NBEAL1: variants seen among roughly 807,000 people sequenced by gnomAD.
NBEAL1 encodes neurobeachin like 1.
A neutral mutation model predicts 351.3 loss-of-function variants in NBEAL1; 273 were observed. The ratio of observed to expected loss-of-function variants is 0.78; its 90% CI spans 0.70 to 0.86. The LOEUF is 0.86. Among genes scored for constraint, NBEAL1 ranks in the 40% least tolerant of loss-of-function variants. NBEAL1 has a pLI of 0.00. For synonymous variants in NBEAL1, 1,050 were observed against 1,086.4 expected (o/e 0.97, Z 0.66); for missense variants, 2,961 against 3,201.3 (o/e 0.92, Z 1.81).
At chr2:203,164,160 A>G (rs2064056826) in intron 36 of NBEAL1, among the ~76,000 whole-genome samples, 1 of 151,578 alleles carries the variant, frequency 6.6e-6, no homozygotes, top group South Asian at 2.1e-4. Context: ...CTTTTTTGGC[A>G]TGTCAAATAA....
At chr2:203,175,016 G>C in intron 41 of NBEAL1, 131 bp from the exon 42 acceptor site, 3 of 758,634 alleles carry the variant, frequency 4.0e-6, no homozygotes, top group Non-Finnish European at 6.3e-6. Flanking sequence ...TGAATACAGA[G>C]TTTGATAATG....
At chr2:203,203,917 G>T (rs10932011) in intron 51 of NBEAL1, among the ~76,000 whole-genome samples, 133,098 of 151,020 alleles carry the variant, frequency 0.88, 59,790 homozygotes, top group Non-Finnish European at 0.96. Context: ...TGTTTTTTGT[G>T]TTTTTTTTGT....
At chr2:203,050,088 TGCTA>T in intron 4 of NBEAL1, 113 bp downstream of exon 4, 2 of 978,678 alleles carry the variant, frequency 2.0e-6, no homozygotes, top group Non-Finnish European at 3.0e-6. Flanking sequence ...GTGGGTAGGG[TGCTA>T]GGAGAGGGAT....
At chr2:203,066,419 C>G (rs1035334765) in intron 6 of NBEAL1, among the ~76,000 whole-genome samples, 1 of 151,666 alleles carries the variant, frequency 6.6e-6, no homozygotes, top group Non-Finnish European at 1.5e-5. Flanking sequence ...AACAGCATCC[C>G]AAGGCACAAG....
chr2:203,027,013 A>G (rs2060870498), intron 2 of NBEAL1, among the ~76,000 whole-genome samples: 1 of 152,114 alleles, frequency 6.6e-6, no homozygotes, highest in African/African-American at 2.4e-5. Flanking sequence ...TCTTCTTATT[A>G]TTTTTAACTC....
intron 19 of NBEAL1, 102 bp from the exon 20 acceptor site, chr2:203,125,250 C>T (rs2062912490): frequency 2.3e-6 from 2 of 878,828 alleles, no homozygotes; most frequent in East Asian, 3.1e-5. Flanking sequence ...GTACATTGCT[C>T]AAAGGTTTAT....
chr2:203,137,953 C>T (rs894413164), intron 29 of NBEAL1, among the ~76,000 whole-genome samples: 2 of 151,550 alleles, frequency 1.3e-5, no homozygotes, highest in Non-Finnish European at 2.9e-5. Flanking sequence ...CATTGCACTC[C>T]GGCCTGGGCG....
chr2:203,139,646 C>T (rs1197476890), intron 31 of NBEAL1, among the ~76,000 whole-genome samples: 2 of 132,030 alleles, frequency 1.5e-5, no homozygotes, highest in Admixed American at 8.9e-5. Context: ...CTCACTGTAA[C>T]CTCCACCTCC....
intron 50 of NBEAL1, 66 bp from the exon 51 acceptor site, chr2:203,202,621 A>G (rs888279065): frequency 1.1e-6 from 1 of 888,892 alleles, no homozygotes; most frequent in African/African-American, 1.6e-5. Context: ...ATTAACAAAA[A>G]TTGCTCTTAA....
At chr2:203,026,885 A>G (rs971872788) in intron 2 of NBEAL1, among the ~76,000 whole-genome samples, 2 of 152,194 alleles carry the variant, frequency 1.3e-5, no homozygotes, top group African/African-American at 4.8e-5. Context: ...TGTTCCACTT[A>G]ATTTTCAATA....
intron 41 of NBEAL1, among the ~76,000 whole-genome samples, chr2:203,173,800 G>T (rs1279395005): frequency 6.6e-6 from 1 of 151,892 alleles, no homozygotes; most frequent in Non-Finnish European, 1.5e-5. Flanking sequence ...GTACATTTTT[G>T]CATAGATACA....
intron 6 of NBEAL1, among the ~76,000 whole-genome samples, chr2:203,059,353 G>T (rs185717351): frequency 2.1e-4 from 32 of 152,296 alleles, no homozygotes; most frequent in Non-Finnish European, 1.5e-5. Flanking sequence ...AATAACAAAA[G>T]ATTTATTACT....
intron 31 of NBEAL1, among the ~76,000 whole-genome samples, chr2:203,143,326 C>G (rs1055773089): frequency 6.6e-6 from 1 of 152,094 alleles, no homozygotes; most frequent in South Asian, 2.1e-4. Context: ...GTATATTACT[C>G]GGGAATTTTA....
chr2:203,112,936 C>A, intron 16 of NBEAL1, 79 bp from the exon 17 acceptor site: 1 of 1,227,118 alleles, frequency 8.1e-7, no homozygotes, highest in Non-Finnish European at 1.1e-6. Flanking sequence ...ATTTTATGTA[C>A]TATTTTATTG....
At chr2:203,083,804 G>T (rs567351387) in intron 9 of NBEAL1, among the ~76,000 whole-genome samples, 103 of 152,254 alleles carry the variant, frequency 6.8e-4, no homozygotes, top group African/African-American at 2.4e-3. Flanking sequence ...CTAAGACTTT[G>T]AAATTCTAGG....
intron 45 of NBEAL1, 66 bp downstream of exon 45, chr2:203,188,655 C>A (rs1007400074): frequency 1.1e-6 from 1 of 879,270 alleles, no homozygotes; most frequent in South Asian, 2.0e-5. Flanking sequence ...TATATGTTTA[C>A]AGTTATTTGA....
At chr2:203,134,391 A>C (rs989297131) in intron 27 of NBEAL1, among the ~76,000 whole-genome samples, 4 of 152,194 alleles carry the variant, frequency 2.6e-5, no homozygotes, top group African/African-American at 7.2e-5. Context: ...GTTATTCTGC[A>C]CCTATAAAGT....
At chr2:203,137,487 T>C (rs1362212612) in intron 29 of NBEAL1, among the ~76,000 whole-genome samples, 1 of 152,178 alleles carries the variant, frequency 6.6e-6, no homozygotes, top group Non-Finnish European at 1.5e-5. Context: ...AGACTCTCTG[T>C]AAGGCATAAT....
Position 203,116,063 on chromosome 2 carries a change from C to T in NBEAL1, c.2585C>T (p.Thr862Ile). Residue 862 changes from threonine (T) to isoleucine (I), a missense_variant, in exon 18 of 56, where the codon ACA becomes ATA. Thr to Ile is a moderately conservative substitution (Grantham distance 89, BLOSUM62 -1). Coordinates refer to ENST00000683969, the MANE Select transcript of NBEAL1 (RefSeq NM_001378026.1). ...DLPGNILLYYTAKACKNSICL... is the reference protein window; with the variant it reads ...DLPGNILLYYIAKACKNSICL... ...CCTGGTAACATCCTTCTTTACTACACAGCAAAGGTCAGAGTAAATTTGTGA... is the reference window on the plus strand; with the variant it reads ...CCTGGTAACATCCTTCTTTACTACATAGCAAAGGTCAGAGTAAATTTGTGA... 1.3e-6 allele frequency: 2 copies of T among 1,550,622 alleles called. No individual in the cohort carries two copies. Among genetic ancestry groups the T allele is most frequent in the Non-Finnish European group, 1.7e-6 (2 of 1,145,006 alleles).
Sources: allele counts gnomAD v4.1 joint callset (sites outside exome capture counted in the v4.1 genomes callset), GRCh38; gene constraint gnomAD v4.1.1; transcripts MANE v1.5; gene names NCBI Gene and HGNC (gene_info 2026-07-23, HGNC 2026-07-21).